CSMD3: variants seen among roughly 807,000 people sequenced by gnomAD.
CSMD3 encodes the protein CUB and Sushi multiple domains 3.
Under a neutral mutation model 435.2 loss-of-function variants are expected in CSMD3, and 177 were observed. That is an observed-to-expected ratio of 0.41 (90% CI 0.36 to 0.46). The LOEUF (loss-of-function observed/expected upper bound fraction) is 0.46. Among genes scored for constraint, CSMD3 ranks in the 20% least tolerant of loss-of-function variants. The pLI, the probability that CSMD3 is intolerant of heterozygous loss-of-function variation, is 0.34. For synonymous variants in CSMD3, 1,656 were observed against 1,520.5 expected (o/e 1.09, Z -2.07); for missense variants, 4,265 against 4,504.6 (o/e 0.95, Z 1.52).
At chr8:112,980,463 T>C (rs1352684004) in intron 6 of CSMD3, among the ~76,000 whole-genome samples, 1 of 151,432 alleles carries the variant, frequency 6.6e-6, no homozygotes, top group Non-Finnish European at 1.5e-5. Flanking sequence ...CATTGTGATA[T>C]GTAATAAAGT....
intron 10 of CSMD3, among the ~76,000 whole-genome samples, chr8:112,909,254 C>T (rs546423844): frequency 6.6e-5 from 10 of 151,554 alleles, no homozygotes; most frequent in Non-Finnish European, 1.5e-4. Context: ...TTCAGAGCAT[C>T]GTTTTTTCAG....
At chr8:112,802,612 T>C (rs926801973) in intron 12 of CSMD3, among the ~76,000 whole-genome samples, 1 of 151,978 alleles carries the variant, frequency 6.6e-6, no homozygotes, top group Non-Finnish European at 1.5e-5. Flanking sequence ...CCCTCCATTT[T>C]ATGGAGAGCT....
At chr8:113,422,207 A>G (rs940411141) in intron 1 of CSMD3, among the ~76,000 whole-genome samples, 11 of 152,098 alleles carry the variant, frequency 7.2e-5, no homozygotes, top group African/African-American at 2.4e-4. Context: ...GTCCATATGC[A>G]CAGTAGAAAA....
At chr8:112,659,525 T>A (rs1482890263) in intron 17 of CSMD3, among the ~76,000 whole-genome samples, 3 of 152,250 alleles carry the variant, frequency 2.0e-5, no homozygotes, top group Middle Eastern at 6.8e-3. Context: ...CTTAAAAAAA[T>A]ATTCTCTGAA....
intron 3 of CSMD3, among the ~76,000 whole-genome samples, chr8:113,200,741 C>T (rs143479556): frequency 2.0e-5 from 3 of 151,318 alleles, no homozygotes; most frequent in East Asian, 2.0e-4. Context: ...TCCAGTCTTA[C>T]GTTAAATGTC....
At chr8:112,626,502 A>G (rs1278992800) in intron 22 of CSMD3, among the ~76,000 whole-genome samples, 10 of 152,150 alleles carry the variant, frequency 6.6e-5, no homozygotes, top group African/African-American at 2.2e-4. Context: ...GAAATAATCT[A>G]TATACACACA....
At chr8:112,602,576 A>C (rs1294256640) in intron 22 of CSMD3, among the ~76,000 whole-genome samples, 1 of 151,406 alleles carries the variant, frequency 6.6e-6, no homozygotes, top group East Asian at 1.9e-4. Flanking sequence ...CAAAAAAAAA[A>C]AAAAAAAGAA....
At chr8:112,857,621 T>C (rs1001487933) in intron 11 of CSMD3, among the ~76,000 whole-genome samples, 4 of 151,810 alleles carry the variant, frequency 2.6e-5, no homozygotes, top group African/African-American at 9.7e-5. Flanking sequence ...CCTACACATA[T>C]CTCATAAAGT....
At chr8:113,129,228 T>C (rs1373346515) in intron 4 of CSMD3, among the ~76,000 whole-genome samples, 1 of 152,168 alleles carries the variant, frequency 6.6e-6, no homozygotes, top group Non-Finnish European at 1.5e-5. Flanking sequence ...TGCAGCTCAA[T>C]AGGCTTGACT....
chr8:112,544,742 A>G (rs1275725581), intron 27 of CSMD3, among the ~76,000 whole-genome samples: 1 of 152,122 alleles, frequency 6.6e-6, no homozygotes, highest in African/African-American at 2.4e-5. Context: ...ATCCTTGCTG[A>G]TCTCTGCTTG....
intron 5 of CSMD3, among the ~76,000 whole-genome samples, chr8:113,052,591 C>T (rs368040051): frequency 2.6e-5 from 4 of 152,224 alleles, no homozygotes; most frequent in African/African-American, 9.6e-5. Flanking sequence ...CCAGCCTGGA[C>T]AACGTAGCAA....
chr8:112,587,239 C>T lies in CSMD3; in HGVS notation c.3716-4G>A, dbSNP rs777173799. The stretch of plus-strand genomic sequence containing the variant: ...GTTGCAGATGCACCACATTCAGCTG[C>T]AGGTAAAACAGAATATTGAAGTACA... On this transcript the variant is annotated splice_polypyrimidine_tract_variant and splice_region_variant and intron_variant, in intron 22 of 70. Transcript: ENST00000297405. The T allele has an allele frequency of 6.2e-7, 1 of 1,603,386 alleles. No individual in the cohort carries two copies. The highest frequency in any genetic ancestry group is 1.7e-5 in the Admixed American group (1 of 59,826).
At chr8:112,228,563 T>C (rs1264997546) in intron 70 of CSMD3, among the ~76,000 whole-genome samples, 193 bp downstream of exon 70, 2 of 152,210 alleles carry the variant, frequency 1.3e-5, no homozygotes, top group Non-Finnish European at 2.9e-5. Flanking sequence ...CAGAGCACTT[T>C]TGTTATGTTG....
chr8:113,000,770 T>C (rs1189075895), intron 6 of CSMD3, among the ~76,000 whole-genome samples: 9 of 152,016 alleles, frequency 5.9e-5, no homozygotes, highest in Non-Finnish European at 2.9e-5. Context: ...AATGCTATCT[T>C]TCTGGGCTAA....
intron 16 of CSMD3, among the ~76,000 whole-genome samples, chr8:112,681,243 G>A (rs2075886707): frequency 1.3e-5 from 2 of 151,126 alleles, no homozygotes; most frequent in Admixed American, 6.6e-5. Flanking sequence ...TAGTAGAGAC[G>A]GGGTTTCATC....
chr8:112,766,296 G>T (rs140408116), intron 13 of CSMD3, among the ~76,000 whole-genome samples: 1 of 151,402 alleles, frequency 6.6e-6, no homozygotes, highest in East Asian at 2.0e-4. Context: ...GATATTCTTG[G>T]AATATATTTT....
At chr8:112,464,917 A>G (rs931469044) in intron 32 of CSMD3, among the ~76,000 whole-genome samples, 1 of 152,202 alleles carries the variant, frequency 6.6e-6, no homozygotes, top group African/African-American at 2.4e-5. Context: ...CATCAGCGTT[A>G]TTGCCTTACC....
Position 112,720,631 on chromosome 8 carries a change from C to G in CSMD3, c.1973-30581G>C, listed in dbSNP as rs563407681. On this transcript the variant is annotated intron_variant, in intron 13 of 70. Transcript: ENST00000297405. ...ACTGAGATGGTGACACTCTGAACCGCAGCATAGTACCTATCCAGGATGTGA... is the reference window on the plus strand; with the variant it reads ...ACTGAGATGGTGACACTCTGAACCGGAGCATAGTACCTATCCAGGATGTGA... 5.2e-3 allele frequency among the ~76,000 whole-genome samples: 790 copies of G among 152,242 alleles called. 8 individuals carry two copies. The highest frequency in any genetic ancestry group is 0.017 in the African/African-American group (709 of 41,538).
At chr8:112,438,602 G>T (rs1412661297) in intron 32 of CSMD3, among the ~76,000 whole-genome samples, 1 of 152,006 alleles carries the variant, frequency 6.6e-6, no homozygotes, top group African/African-American at 2.4e-5. Context: ...TAAACCAAGA[G>T]AAAAAACTCT....
Sources: gnomAD v4.1 joint callset for allele counts (sites outside exome capture counted in the v4.1 genomes callset) on GRCh38, gnomAD v4.1.1 for gene constraint, MANE v1.5 for transcripts, NCBI Gene and HGNC (gene_info 2026-07-23, HGNC 2026-07-21) for gene names.